SPAG16: variants seen among roughly 807,000 people sequenced by gnomAD.
SPAG16 encodes the protein sperm-associated antigen 16 protein.
A neutral mutation model predicts 80.4 loss-of-function variants in SPAG16; 86 were observed. That is an observed-to-expected ratio of 1.07 (90% CI 0.90 to 1.28). The LOEUF (loss-of-function observed/expected upper bound fraction) is 1.28, where lower values mean the gene tolerates loss of function less well. SPAG16 is among the 50% of genes most tolerant of loss of function. SPAG16 has a pLI of 0.00. For missense variants in SPAG16, 870 were observed against 765.3 expected (o/e 1.14, Z -1.61); for synonymous variants, 294 against 265.9 (o/e 1.11, Z -1.03).
At chr2:214,342,218 TAAAGCAGGGGTTCCC>T (rs565058118) in intron 15 of SPAG16, among the ~76,000 whole-genome samples, 118 of 152,282 alleles carry the variant, frequency 7.7e-4, no homozygotes, top group Non-Finnish European at 1.1e-3. Context: ...CAGGGGTTAC[TAAAGCAGGGGTTCCC>T]AAAGCAGGGG....
chr2:213,583,268 C>T (rs577079737), intron 10 of SPAG16, among the ~76,000 whole-genome samples: 3 of 152,130 alleles, frequency 2.0e-5, no homozygotes, highest in Non-Finnish European at 4.4e-5. Context: ...AGTGCATGAA[C>T]AGTCTGTACC....
chr2:213,497,159 T>C (rs936461466), intron 10 of SPAG16, among the ~76,000 whole-genome samples: 6 of 152,060 alleles, frequency 3.9e-5, no homozygotes, highest in African/African-American at 1.4e-4. Context: ...AGTACTAAGG[T>C]ATTCAGCTAT....
At chr2:214,266,082 T>C (rs922484100) in intron 15 of SPAG16, among the ~76,000 whole-genome samples, 1 of 151,992 alleles carries the variant, frequency 6.6e-6, no homozygotes, top group Non-Finnish European at 1.5e-5. Flanking sequence ...AATAAATGAA[T>C]GAACAAGAAA....
chr2:213,543,087 T>C (rs192551234), intron 10 of SPAG16, among the ~76,000 whole-genome samples: 106 of 152,152 alleles, frequency 7.0e-4, no homozygotes, highest in African/African-American at 2.5e-3. Context: ...AATCAGAAAG[T>C]ATTAAGAACA....
chr2:213,876,508 A>C (rs2076149683), intron 11 of SPAG16, among the ~76,000 whole-genome samples: 1 of 152,138 alleles, frequency 6.6e-6, no homozygotes. Context: ...TAAATGAAGT[A>C]GAAGAGATTA....
intron 12 of SPAG16, among the ~76,000 whole-genome samples, chr2:214,004,133 A>C (rs952474778): frequency 1.2e-4 from 19 of 152,178 alleles, no homozygotes; most frequent in African/African-American, 4.6e-4. Context: ...TGTGAGTATA[A>C]TTTGGGAGTT....
intron 12 of SPAG16, among the ~76,000 whole-genome samples, chr2:213,988,135 C>T (rs2046108503): frequency 6.6e-6 from 1 of 151,790 alleles, no homozygotes; most frequent in South Asian, 2.1e-4. Flanking sequence ...GTGTTTTTAA[C>T]CCCTTTAAAT....
chr2:213,386,735 A>G (rs1335638641), intron 9 of SPAG16, among the ~76,000 whole-genome samples: 1 of 152,224 alleles, frequency 6.6e-6, no homozygotes, highest in Admixed American at 6.5e-5. Context: ...TTTCTCTTGA[A>G]TTAGGGGAAC....
At chr2:214,004,387 C>A (rs2046933512) in intron 12 of SPAG16, among the ~76,000 whole-genome samples, 1 of 152,050 alleles carries the variant, frequency 6.6e-6, no homozygotes, top group Non-Finnish European at 1.5e-5. Context: ...ATTCAATCCT[C>A]CAGCAGAGAC....
chr2:213,815,741 G>GT (rs1329987689), intron 10 of SPAG16, among the ~76,000 whole-genome samples: 1 of 151,744 alleles, frequency 6.6e-6, no homozygotes, highest in Non-Finnish European at 1.5e-5. Flanking sequence ...CAAATGAAAT[G>GT]TTTTTTAAAA....
chr2:213,558,010 C>T (rs2059483036), intron 10 of SPAG16, among the ~76,000 whole-genome samples: 1 of 152,038 alleles, frequency 6.6e-6, no homozygotes, highest in South Asian at 2.1e-4. Flanking sequence ...ATTTTTTCTA[C>T]TTGGCATGTA....
At chr2:214,029,599 GA>G (rs2048312718) in intron 13 of SPAG16, among the ~76,000 whole-genome samples, 2 of 135,368 alleles carry the variant, frequency 1.5e-5, no homozygotes, top group East Asian at 4.7e-4. Context: ...TGTGGTTAGA[GA>G]AAATTAAACA....
intron 10 of SPAG16, among the ~76,000 whole-genome samples, chr2:213,740,429 C>T (rs1253010539): frequency 1.3e-5 from 2 of 152,148 alleles, no homozygotes; most frequent in African/African-American, 4.8e-5. Context: ...AACAGCTGCT[C>T]ACTACCAAAA....
intron 9 of SPAG16, among the ~76,000 whole-genome samples, chr2:213,414,326 G>A (rs1013465340): frequency 3.3e-5 from 5 of 152,114 alleles, no homozygotes; most frequent in Admixed American, 6.5e-5. Flanking sequence ...GTTTATTTAA[G>A]CATGTTAATC....
At chr2:213,655,744 A>C (rs1240477715) in intron 10 of SPAG16, among the ~76,000 whole-genome samples, 1 of 152,202 alleles carries the variant, frequency 6.6e-6, no homozygotes. Context: ...AAATCCTATC[A>C]TCTGCTTTAT....
chr2:213,630,437 A>G (rs749971359), intron 10 of SPAG16, among the ~76,000 whole-genome samples: 63 of 152,146 alleles, frequency 4.1e-4, no homozygotes, highest in Admixed American at 7.2e-4. Context: ...TATTGAGGGC[A>G]TAAGTTTCAT....
chr2:214,179,278 T>G (rs2057233470), intron 15 of SPAG16, among the ~76,000 whole-genome samples: 1 of 151,416 alleles, frequency 6.6e-6, no homozygotes, highest in Admixed American at 6.6e-5. Flanking sequence ...TGCTATCAGT[T>G]GGTATAATTT....
chr2:214,121,760 T>A (rs902516938), intron 14 of SPAG16, among the ~76,000 whole-genome samples: 1 of 151,890 alleles, frequency 6.6e-6, no homozygotes, highest in Non-Finnish European at 1.5e-5. Context: ...TTTGCTAATT[T>A]AGTGTACACA....
intron 11 of SPAG16, among the ~76,000 whole-genome samples, chr2:213,865,439 A>G (rs1233254927): frequency 6.6e-6 from 1 of 151,822 alleles, no homozygotes; most frequent in Non-Finnish European, 1.5e-5. Context: ...TACAACACTT[A>G]CGAAGTTTAT....
Sources: gnomAD v4.1 joint callset for allele counts (sites outside exome capture counted in the v4.1 genomes callset) on GRCh38, gnomAD v4.1.1 for gene constraint, MANE v1.5 for transcripts, NCBI Gene and HGNC (gene_info 2026-07-23, HGNC 2026-07-21) for gene names.